Variants in CSTB observed in about 807,000 individuals in gnomAD.
CSTB encodes cystatin B, also known as cystatin-B.
CSTB carries 8 observed loss-of-function variants against 7.6 expected under a neutral mutation model. That is an observed-to-expected ratio of 1.05 (90% CI 0.62 to 1.89). The LOEUF is 1.89. CSTB is among the 40% of genes most tolerant of loss of function. The pLI, the probability that CSTB is intolerant of heterozygous loss-of-function variation, is 0.00. For missense variants in CSTB, 124 were observed against 126.4 expected (o/e 0.98, Z 0.09); for synonymous variants, 56 against 55.3 (o/e 1.01, Z -0.06).
intron 1 of CSTB, chr21:43,775,436 GACACAGGGAAGGTTGCCATCTGCA>G (rs1259791718): frequency 6.5e-6 from 1 of 153,778 alleles, no homozygotes; most frequent in Non-Finnish European, 1.4e-5. Context: ...AGGAAACCGA[GACACAGGGAAGGTTGCCATCTGCA>G]ACCCAGCCCG....
At chr21:43,776,094 C>T in intron 1 of CSTB, 110 bp downstream of exon 1, 2 of 1,065,564 alleles carry the variant, frequency 1.9e-6, no homozygotes, top group Non-Finnish European at 2.7e-6. Context: ...CCGGGCCAGC[C>T]CAGGGGTGCG....
rs148528173 is a variant in CSTB at position 43,774,999 on chromosome 21, G to A, written c.67-240C>T. On this transcript the variant is annotated intron_variant, in intron 1 of 2. Coordinates refer to ENST00000291568, the MANE Select transcript of CSTB (RefSeq NM_000100.4). ...AGAACTTTGGGAGGCTGAGGTGGGC[G>A]GATCACTTGAGGTCAGGAGTTTGAG... 1.5e-3 allele frequency: 804 copies of A among 552,460 alleles called. 15 individuals carry two copies. In the East Asian group the frequency reaches 0.025, roughly 17 times the overall value. The allele number at this position is 552,460 out of a possible 1,614,324, so 34.2% of individuals were successfully genotyped here. A position where few individuals can be genotyped will look rare whatever the true frequency, so the allele number is the denominator to read the frequency against.
At chr21:43,774,438 G>A (rs892039278) in intron 2 of CSTB, 108 bp from the exon 3 acceptor site, 81 of 1,548,602 alleles carry the variant, frequency 5.2e-5, no homozygotes, top group Non-Finnish European at 6.8e-5. Flanking sequence ...TCCTGCATGT[G>A]CAGGGGATGC....
At chr21:43,775,974 T>G (rs2084007859) in intron 1 of CSTB, 1 of 461,546 alleles carries the variant, frequency 2.2e-6, no homozygotes, top group African/African-American at 2.1e-5. Flanking sequence ...CACTCGCCCT[T>G]GCTGTATTCA....
chr21:43,775,808 G>A (rs1020215885), intron 1 of CSTB: 4 of 198,032 alleles, frequency 2.0e-5, no homozygotes, highest in African/African-American at 9.3e-5. Context: ...CTTGCTATCG[G>A]ATCACCGTGG....
At chr21:43,776,088 G>T in intron 1 of CSTB, 116 bp downstream of exon 1, 1 of 980,250 alleles carries the variant, frequency 1.0e-6, no homozygotes, top group Non-Finnish European at 1.5e-6. Context: ...CACAGCCCGG[G>T]CCAGCCCAGG....
rs935703178 is a variant in CSTB, at chr21:43,773,966, A to G, written c.*236T>C. On this transcript the variant is annotated 3_prime_UTR_variant, in exon 3 of 3. Coordinates refer to ENST00000291568, the MANE Select transcript of CSTB (RefSeq NM_000100.4). ...GGCAATCTGTAAGGATTTTAAAAAT[A>G]TATCTATTTTGAAAATATTCTGAAA... 16 of 565,300 alleles carry G rather than the reference A, an allele frequency of 2.8e-5. No homozygotes were observed. Among genetic ancestry groups the G allele is most frequent in the Non-Finnish European group, 4.7e-5 (15 of 318,772 alleles). 35.0% of individuals were successfully genotyped at this position (565,300 alleles called of 1,614,324 possible). A position where few individuals can be genotyped will look rare whatever the true frequency, so the allele number is the denominator to read the frequency against.
rs1409880683 is a variant in CSTB at position 43,774,009 on chromosome 21, T to C, written c.*193A>G. ...TTCTGAAAGTAATTAAGATCACCTA[T>C]TGGGAAGGAAAGAAATCAACACAAT... is the stretch of plus-strand genomic sequence containing the variant. On this transcript the variant is annotated 3_prime_UTR_variant, in exon 3 of 3. Transcript: ENST00000291568. 6 of 659,050 alleles carry C rather than the reference T, an allele frequency of 9.1e-6. No homozygotes were observed. The highest frequency in any genetic ancestry group is 5.3e-5 in the South Asian group (3 of 56,398). The allele number at this position is 659,050 out of a possible 1,614,324, so 40.8% of individuals were successfully genotyped here.
At position 43,774,679 on chromosome 21, in the gene CSTB, C is replaced by T. The variant is rs766654703; in HGVS notation, c.147G>A (p.Ala49=). 5.5e-5 allele frequency: 89 copies of T among 1,613,984 alleles called. No homozygotes were observed. The highest frequency in any genetic ancestry group is 6.9e-5 in the Non-Finnish European group (82 of 1,179,972). The change falls in exon 2 of 3, where the codon GCG becomes GCA. Residue 49 remains alanine, a synonymous_variant. Coordinates refer to ENST00000291568, the MANE Select transcript of CSTB (RefSeq NM_000100.4). ...KAVSFKSQVV[A]GTNYFIKVHV... is the part of the protein sequence containing the mutation. ...CTACCTTGATGAAGTAGTTTGTCCC[C>T]GCGACCACCTGGCTCTTGAATGACA...
intron 1 of CSTB, 87 bp downstream of exon 1, chr21:43,776,117 A>T: frequency 7.9e-7 from 1 of 1,269,062 alleles, no homozygotes; most frequent in East Asian, 2.8e-5. Flanking sequence ...GCGGGGCCAA[A>T]GCGGCTTCTT....
Position 43,774,347 on chromosome 21 carries a change from G to GT in CSTB, c.169-18dup, listed in dbSNP as rs2083999868. On this transcript the variant is annotated splice_polypyrimidine_tract_variant and intron_variant, in intron 2 of 2. Coordinates refer to ENST00000291568, the MANE Select transcript of CSTB (RefSeq NM_000100.4). Reference sequence around the variant, plus strand: ...GACGTGCACCTGGGAAGAGAGCGGAGTGAGCGAAGCCTCTGATCCCAAGTC... The same window carrying GT: ...GACGTGCACCTGGGAAGAGAGCGGAGTTGAGCGAAGCCTCTGATCCCAAGTC... 1.9e-6 allele frequency: 3 copies of GT among 1,614,028 alleles called. No homozygotes were observed. Among genetic ancestry groups the GT allele is most frequent in the Non-Finnish European group, 2.5e-6 (3 of 1,180,052 alleles).
At chr21:43,775,244 G>C (rs1369135011) in intron 1 of CSTB, 5 of 254,666 alleles carry the variant, frequency 2.0e-5, no homozygotes, top group Non-Finnish European at 3.9e-5. Flanking sequence ...AAAAACACAG[G>C]CCTCAGCATC....
chr21:43,774,883 TACA>T (rs2084002830), intron 1 of CSTB, 124 bp from the exon 2 acceptor site: 2 of 764,912 alleles, frequency 2.6e-6, no homozygotes, highest in Admixed American at 3.8e-5. Context: ...AATTGTCTCT[TACA>T]ACTGAAGGGA....
intron 2 of CSTB, 90 bp from the exon 3 acceptor site, chr21:43,774,420 T>A: frequency 6.3e-7 from 1 of 1,598,344 alleles, no homozygotes; most frequent in Non-Finnish European, 8.6e-7. Context: ...GAAGACAATC[T>A]TGTCTTCTCC....
intron 1 of CSTB, chr21:43,775,217 T>G: frequency 4.2e-6 from 1 of 236,184 alleles, no homozygotes. Flanking sequence ...TGAGACTGAG[T>G]CTCAAAAACA....
chr21:43,774,717 C>T lies in CSTB; in HGVS notation c.109G>A (p.Val37Met). 1 of 1,614,186 alleles carries T rather than the reference C, an allele frequency of 6.2e-7. No individual in the cohort carries two copies. Among genetic ancestry groups the T allele is most frequent in the Non-Finnish European group, 8.5e-7 (1 of 1,180,008 alleles). ...CTCTTGAATGACACGGCCTTAAACA[C>T]AGGGAACTTCTTGTTTTCTTTCTCT... ...LEEKENKKFP[V>M]FKAVSFKSQV... The change falls in exon 2 of 3, where the codon GTG becomes ATG. Residue 37 changes from valine (V) to methionine (M), a missense_variant. Coordinates refer to ENST00000291568, the MANE Select transcript of CSTB (RefSeq NM_000100.4).
chr21:43,775,238 A>C (rs13046612), intron 1 of CSTB: 131,379 of 247,104 alleles, frequency 0.53, 37,582 homozygotes, highest in South Asian at 0.74. Context: ...AAAAAAAAAA[A>C]CACAGGCCTC....
Position 43,774,780 on chromosome 21 carries a change from G to A in CSTB, c.67-21C>T, listed in dbSNP as rs765593211. 2.2e-5 allele frequency: 35 copies of A among 1,585,922 alleles called. 1 individual carries two copies. In the South Asian group the frequency reaches 3.1e-4, roughly 14 times the overall value. ...CTCACCTAGACAGAAGGGACAGAAT[G>A]AGGATGTCTCAGTGGCTTCTTGGAT... On this transcript the variant is annotated intron_variant, in intron 1 of 2. Transcript: ENST00000291568.
At chr21:43,774,812 C>A in intron 1 of CSTB, 53 bp from the exon 2 acceptor site, 1 of 1,347,604 alleles carries the variant, frequency 7.4e-7, no homozygotes, top group African/African-American at 1.4e-5. Context: ...GGATTCCCTC[C>A]TGCTAGAGTA....
Sources: gnomAD v4.1 joint callset for allele counts on GRCh38, gnomAD v4.1.1 for gene constraint, MANE v1.5 for transcripts, NCBI Gene and HGNC (gene_info 2026-07-23, HGNC 2026-07-21) for gene names.